Variants in MX1 observed in about 807,000 individuals in gnomAD.
MX1 encodes the protein MX dynamin like GTPase 1.
A neutral mutation model predicts 66.4 loss-of-function variants in MX1; 66 were observed. The ratio of observed to expected loss-of-function variants is 0.99; its 90% CI spans 0.82 to 1.22. The LOEUF (loss-of-function observed/expected upper bound fraction) is 1.22, where lower values mean the gene tolerates loss of function less well. Among genes scored for constraint, MX1 ranks in the 50% most tolerant of loss-of-function variants. The pLI is 0.00. For missense variants in MX1, 787 were observed against 834.3 expected (o/e 0.94, Z 0.70); for synonymous variants, 311 against 318.1 (o/e 0.98, Z 0.24).
At chr21:41,448,512 A>G (rs977062950) in intron 13 of MX1, among the ~76,000 whole-genome samples, 1 of 152,190 alleles carries the variant, frequency 6.6e-6, no homozygotes, top group African/African-American at 2.4e-5. Flanking sequence ...TACGTTTTTA[A>G]GAAGGGGTCT....
Position 41,452,846 on chromosome 21 carries a change from C to T in MX1, c.1735C>T (p.Gln579Ter). The T allele has an allele frequency of 6.2e-7, 1 of 1,614,184 alleles. No individual in the cohort carries two copies. The highest frequency in any genetic ancestry group is 8.5e-7 in the Non-Finnish European group (1 of 1,180,034). Reference sequence around the variant, plus strand: ...AGACTCTTCCATGGAGGAGATCTTTCAGCACCTGATGGCCTATCACCAGGT... The same window carrying T: ...AGACTCTTCCATGGAGGAGATCTTTTAGCACCTGATGGCCTATCACCAGGT... ...ATDSSMEEIF[Q>*]HLMAYHQEAS... is the part of the protein sequence containing the mutation. Residue 579 changes from glutamine to a stop codon, truncating the protein, a stop_gained, in exon 16 of 17, where the codon CAG (glutamine) becomes TAG (stop). Coordinates refer to ENST00000398598, the MANE Select transcript of MX1 (RefSeq NM_002462.5). LOFTEE classifies it low-confidence loss of function (END_TRUNC).
chr21:41,457,817 C>A (rs1371736331), intron 16 of MX1, among the ~76,000 whole-genome samples: 1 of 152,126 alleles, frequency 6.6e-6, no homozygotes, highest in Admixed American at 6.5e-5. Flanking sequence ...ATCACCTTCC[C>A]ACACTGAAAC....
At chr21:41,425,865 C>T (rs934473182), upstream of MX1, among the ~76,000 whole-genome samples, 3 of 152,100 alleles carry the variant, frequency 2.0e-5, no homozygotes, top group African/African-American at 7.2e-5. Context: ...TCCCAGTGAG[C>T]CCTGGGAGGG....
chr21:41,450,762 A>T (rs2090800648), intron 14 of MX1, among the ~76,000 whole-genome samples: 1 of 152,048 alleles, frequency 6.6e-6, no homozygotes, highest in Non-Finnish European at 1.5e-5. Flanking sequence ...AAGATAAATA[A>T]TATAAATTTT....
intron 5 of MX1, among the ~76,000 whole-genome samples, chr21:41,434,138 G>A (rs1379799192): frequency 3.3e-5 from 5 of 152,158 alleles, no homozygotes; most frequent in South Asian, 2.1e-4. Flanking sequence ...TAGTAAAAAC[G>A]TCTGTCTATG....
intron 15 of MX1, 105 bp downstream of exon 15, chr21:41,451,348 CT>C: frequency 1.3e-6 from 1 of 787,120 alleles, no homozygotes; most frequent in Non-Finnish European, 2.1e-6. Context: ...TTATTGTATA[CT>C]TTTAGAACAG....
intron 10 of MX1, chr21:41,443,536 A>G (rs2090575768): frequency 7.8e-6 from 4 of 514,558 alleles, no homozygotes; most frequent in Non-Finnish European, 1.1e-5. Flanking sequence ...CTATAGTCAG[A>G]CACCATGATA....
In MX1 at chr21:41,449,266, C is replaced by T. The variant is rs767071134; in HGVS notation, c.1403C>T (p.Pro468Leu). The change falls in exon 14 of 17, where the codon CCG becomes CTG. Residue 468 changes from proline (P) to leucine (L), a missense_variant. By Grantham distance (98) the Pro-to-Leu change is moderately conservative. Transcript: ENST00000398598. Reference sequence around the variant, plus strand: ...CAGCAAATCAAGGCACTGGAAGAGCCGGCTGTGGATATGCTACACACCGTG... The same window carrying T: ...CAGCAAATCAAGGCACTGGAAGAGCTGGCTGTGGATATGCTACACACCGTG... ...VKQQIKALEE[P>L]AVDMLHTVTD... The T allele has an allele frequency of 2.2e-5, 36 of 1,613,506 alleles. No individual in the cohort carries two copies. The highest frequency in any genetic ancestry group is 3.0e-5 in the Non-Finnish European group (35 of 1,179,894).
In MX1 at chr21:41,458,951, T is replaced by C; in HGVS notation, c.*193T>C. The C allele has an allele frequency of 1.0e-6, 1 of 964,954 alleles. No homozygotes were observed. Among genetic ancestry groups the C allele is most frequent in the Non-Finnish European group, 1.5e-6 (1 of 673,882 alleles). 59.8% of individuals were successfully genotyped at this position (964,954 alleles called of 1,614,324 possible). A position where few individuals can be genotyped will look rare whatever the true frequency, so the allele number is the denominator to read the frequency against. ...CTAGCATGAAGACAGAGCCCCACCC[T>C]CAGATGCACATGAGCTGGCGGGATT... is the stretch of plus-strand genomic sequence containing the variant. On this transcript the variant is annotated 3_prime_UTR_variant, in exon 17 of 17. Transcript: ENST00000398598.
chr21:41,449,421 T>G (rs891953885), intron 14 of MX1, 126 bp downstream of exon 14: 8 of 890,092 alleles, frequency 9.0e-6, no homozygotes, highest in Non-Finnish European at 1.3e-5. Flanking sequence ...AAACCTCTCA[T>G]TCTCCAGATG....
At chr21:41,424,824 C>T (rs1367363173), upstream of MX1, among the ~76,000 whole-genome samples, 1 of 152,228 alleles carries the variant, frequency 6.6e-6, no homozygotes, top group Non-Finnish European at 1.5e-5. Context: ...CCCAAAATGG[C>T]TGCCAACCCC....
Position 41,452,827 on chromosome 21 carries a change from T to C in MX1, c.1716T>C (p.Ser572=), listed in dbSNP as rs143885712. 2.5e-4 allele frequency: 403 copies of C among 1,613,960 alleles called. No homozygotes were observed. The highest frequency in any genetic ancestry group is 3.3e-4 in the Non-Finnish European group (388 of 1,179,976). Residue 572 remains serine, a synonymous_variant, in exon 16 of 17, where the codon TCT becomes TCC. Transcript: ENST00000398598. ...TCCAGTCCAGCTCGGCAACAGACTC[T>C]TCCATGGAGGAGATCTTTCAGCACC... ...GAFQSSSATD[S]SMEEIFQHLM...
At chr21:41,439,967 G>C in intron 8 of MX1, 119 bp downstream of exon 8, 1 of 1,114,478 alleles carries the variant, frequency 9.0e-7, no homozygotes, top group South Asian at 1.9e-5. Flanking sequence ...GAGTTTTGGA[G>C]TTAGTATTTG....
intron 4 of MX1, 90 bp from the exon 5 acceptor site, chr21:41,431,958 CCA>C: frequency 1.0e-6 from 1 of 985,376 alleles, no homozygotes; most frequent in Non-Finnish European, 1.5e-6. Context: ...GTCCCCACCT[CCA>C]GGGGCCTTCC....
chr21:41,446,259 G>C (rs1350912828), intron 13 of MX1, 118 bp downstream of exon 13: 3 of 993,684 alleles, frequency 3.0e-6, no homozygotes, highest in Non-Finnish European at 4.4e-6. Context: ...TATTCTTAAG[G>C]AATCAGGAAA....
intron 5 of MX1, among the ~76,000 whole-genome samples, chr21:41,433,986 G>A (rs1259495985): frequency 2.0e-5 from 3 of 152,204 alleles, no homozygotes; most frequent in Admixed American, 1.3e-4. Context: ...AGACATCTTG[G>A]TTGTCACAAC....
Position 41,452,686 on chromosome 21 carries a change from C to G in MX1, c.1575C>G (p.Phe525Leu), listed in dbSNP as rs145893787. The change falls in exon 16 of 17, where the codon TTC becomes TTG. Residue 525 changes from phenylalanine to leucine, a missense_variant. By Grantham distance (22) the Phe-to-Leu change is conservative. Coordinates refer to ENST00000398598, the MANE Select transcript of MX1 (RefSeq NM_002462.5). Reference protein sequence around the residue: ...REGEKLIRLHFQMEQIVYCQD... With the variant: ...REGEKLIRLHLQMEQIVYCQD... ...GTGAGAAGCTGATCCGCCTCCACTT[C>G]CAGATGGAACAGATTGTCTACTGCC... The G allele has an allele frequency of 3.1e-6, 5 of 1,614,076 alleles. No individual in the cohort carries two copies. Among genetic ancestry groups the G allele is most frequent in the Non-Finnish European group, 2.5e-6 (3 of 1,180,054 alleles).
intron 16 of MX1, among the ~76,000 whole-genome samples, chr21:41,454,569 T>C (rs2090914845): frequency 6.6e-6 from 1 of 152,200 alleles, no homozygotes; most frequent in South Asian, 2.1e-4. Context: ...TAGTGCAGCA[T>C]TGGAATGCAA....
Position 41,452,850 on chromosome 21 carries a change from A to G in MX1, c.1739A>G (p.His580Arg). 1 of 1,614,152 alleles carries G rather than the reference A, an allele frequency of 6.2e-7. No homozygotes were observed. Among genetic ancestry groups the G allele is most frequent in the Non-Finnish European group, 8.5e-7 (1 of 1,180,016 alleles). ...TDSSMEEIFQ[H>R]LMAYHQEASK... is the part of the protein sequence containing the mutation. ...TCTTCCATGGAGGAGATCTTTCAGC[A>G]CCTGATGGCCTATCACCAGGTACGT... Residue 580 changes from histidine to arginine, a missense_variant, in exon 16 of 17, where the codon CAC becomes CGC. His to Arg is a conservative substitution (Grantham distance 29). Transcript: ENST00000398598.
Sources: allele counts gnomAD v4.1 joint callset (sites outside exome capture counted in the v4.1 genomes callset), GRCh38; gene constraint gnomAD v4.1.1; transcripts MANE v1.5; gene names NCBI Gene and HGNC (gene_info 2026-07-23, HGNC 2026-07-21).